The following CAPZB variants were observed in gnomAD, a reference collection of about 807,000 sequenced individuals.
CAPZB encodes capping actin protein of muscle Z-line subunit beta.
A neutral mutation model predicts 38.1 loss-of-function variants in CAPZB; 2 were observed. The ratio of observed to expected loss-of-function variants is 0.05; its 90% CI spans 0.02 to 0.17. CAPZB has a LOEUF of 0.17. Among genes scored for constraint, CAPZB ranks in the 10% least tolerant of loss-of-function variants. The probability of loss-of-function intolerance (pLI) is 1.00; values close to 1 mark genes in which losing one functional copy is unlikely to be tolerated. For synonymous variants in CAPZB, 107 were observed against 127.4 expected (o/e 0.84, Z 1.08); for missense variants, 161 against 334.2 (o/e 0.48, Z 4.04).
rs1041157984 is a variant in CAPZB, at chr1:19,357,100, G to A, written c.471+322C>T. 1.3e-5 allele frequency among the ~76,000 whole-genome samples: 2 copies of A among 152,004 alleles called. No homozygotes were observed. Among genetic ancestry groups the A allele is most frequent in the Non-Finnish European group, 2.9e-5 (2 of 67,998 alleles). On this transcript the variant is annotated intron_variant, in intron 5 of 8. Transcript: ENST00000264202. The surrounding 1 kb of genome is among the most constrained non-coding windows in gnomAD (Gnocchi z 4.3). ...GGCTGGTCTTGAACTCCTGACCTCC[G>A]GTGATCTGCCCACCTCAGCCTCCCA...
chr1:19,466,088 G>GA (rs1368885585), intron 1 of CAPZB, among the ~76,000 whole-genome samples: 1 of 152,154 alleles, frequency 6.6e-6, no homozygotes, highest in Non-Finnish European at 1.5e-5. Flanking sequence ...CATGACCAAG[G>GA]ACAACCCTTT....
intron 4 of CAPZB, among the ~76,000 whole-genome samples, chr1:19,362,390 A>G (rs1209557380): frequency 1.3e-5 from 2 of 152,088 alleles, no homozygotes; most frequent in Admixed American, 6.6e-5. Flanking sequence ...GGGTCTGCCA[A>G]CATGCCTGGA....
In CAPZB at chr1:19,470,572, T is replaced by C. The variant is rs1434296864; in HGVS notation, c.3+14864A>G. Reference sequence around the variant, plus strand: ...GGCAGAAAAGACTCACACAAGAGTGTAGAATCTAGATTCTAGAGTGTTAGA... The same window carrying C: ...GGCAGAAAAGACTCACACAAGAGTGCAGAATCTAGATTCTAGAGTGTTAGA... On this transcript the variant is annotated intron_variant, in intron 1 of 8. Coordinates refer to ENST00000264202, the MANE Select transcript of CAPZB (RefSeq NM_004930.5). Among the ~76,000 whole-genome samples the C allele has an allele frequency of 5.9e-5, 9 of 152,336 alleles. No individual in the cohort carries two copies. In the East Asian group the frequency reaches 1.5e-3, roughly 26 times the overall value.
intron 1 of CAPZB, among the ~76,000 whole-genome samples, chr1:19,422,759 CAAA>C (rs1451463266): frequency 1.4e-5 from 2 of 145,574 alleles, no homozygotes; most frequent in African/African-American, 2.5e-5. Context: ...ACAACAACAA[CAAA>C]CCCACACATA....
intron 1 of CAPZB, among the ~76,000 whole-genome samples, chr1:19,482,841 C>T (rs1474726498): frequency 2.6e-5 from 4 of 152,188 alleles, no homozygotes; most frequent in African/African-American, 7.2e-5. Flanking sequence ...TTCTGTCCTA[C>T]GCCAACCATC....
At position 19,356,174 on chromosome 1, in the gene CAPZB, T is replaced by C. The variant is rs1243653486; in HGVS notation, c.588+461A>G. Among the ~76,000 whole-genome samples the C allele has an allele frequency of 1.3e-5, 2 of 152,188 alleles. No individual in the cohort carries two copies. The stretch of plus-strand genomic sequence containing the variant: ...TGGGTGGGACCTGATATTTCTGCCT[T>C]TCTGACAAGCTCTTTGGTGATGCTG... On this transcript the variant is annotated intron_variant, in intron 6 of 8. Coordinates refer to ENST00000264202, the MANE Select transcript of CAPZB (RefSeq NM_004930.5). The surrounding 1 kb of genome is among the most constrained non-coding windows in gnomAD (Gnocchi z 4.3).
chr1:19,381,475 G>A (rs2094174348), intron 3 of CAPZB, among the ~76,000 whole-genome samples: 1 of 152,124 alleles, frequency 6.6e-6, no homozygotes, highest in Admixed American at 6.5e-5. Flanking sequence ...CACAGCCCGG[G>A]AGAGGAAGAA....
chr1:19,478,472 C>T (rs532282302), intron 1 of CAPZB, among the ~76,000 whole-genome samples: 23 of 152,270 alleles, frequency 1.5e-4, no homozygotes, highest in African/African-American at 4.6e-4. Flanking sequence ...AGACACGTGA[C>T]GACACAACTG....
At chr1:19,379,931 C>T (rs563441888) in intron 3 of CAPZB, among the ~76,000 whole-genome samples, 3 of 152,286 alleles carry the variant, frequency 2.0e-5, no homozygotes, top group Admixed American at 2.0e-4. Context: ...CTCGCTGTTT[C>T]CACTGTCAGA....
At chr1:19,448,248 G>A (rs2094503033) in intron 1 of CAPZB, among the ~76,000 whole-genome samples, 2 of 152,260 alleles carry the variant, frequency 1.3e-5, no homozygotes, top group Admixed American at 1.3e-4. Context: ...GCCCACCCAT[G>A]AGGGACTTTC....
chr1:19,399,197 G>A (rs900884732), intron 2 of CAPZB, among the ~76,000 whole-genome samples: 3 of 152,118 alleles, frequency 2.0e-5, no homozygotes, highest in Non-Finnish European at 4.4e-5. Context: ...CCATTGGACC[G>A]TACACTTTAA....
intron 1 of CAPZB, among the ~76,000 whole-genome samples, chr1:19,442,115 C>T (rs1382881154): frequency 6.8e-6 from 1 of 146,502 alleles, no homozygotes; most frequent in African/African-American, 2.5e-5. Flanking sequence ...TCTTTAAACC[C>T]TGTTTGTGAT....
intron 2 of CAPZB, among the ~76,000 whole-genome samples, chr1:19,419,323 G>A (rs918396193): frequency 5.3e-5 from 8 of 152,196 alleles, no homozygotes; most frequent in South Asian, 4.1e-4. Context: ...TGGCCTGCGT[G>A]CACTGCTGAA....
At position 19,476,958 on chromosome 1, in the gene CAPZB, G is replaced by A. The variant is rs975986625; in HGVS notation, c.3+8478C>T. Among the ~76,000 whole-genome samples, 9 of 152,202 alleles carry A rather than the reference G, an allele frequency of 5.9e-5. No individual in the cohort carries two copies. In the East Asian group the frequency reaches 7.7e-4, roughly 13 times the overall value. On this transcript the variant is annotated intron_variant, in intron 1 of 8. Coordinates refer to ENST00000264202, the MANE Select transcript of CAPZB (RefSeq NM_004930.5). ...AGCATGCGCTGAGTGCGGTGGACCT[G>A]GACCTCCATGGCAACTGCCATTAAC... is the stretch of plus-strand genomic sequence containing the variant.
intron 4 of CAPZB, among the ~76,000 whole-genome samples, chr1:19,375,109 C>T (rs1313374234): frequency 1.3e-5 from 2 of 152,156 alleles, no homozygotes; most frequent in African/African-American, 2.4e-5. Context: ...CACCAACAGC[C>T]TCGCGGGGCA....
Position 19,349,140 on chromosome 1 carries a change from C to T in CAPZB, c.589-3888G>A, listed in dbSNP as rs140045431. 4.0e-4 allele frequency among the ~76,000 whole-genome samples: 61 copies of T among 152,274 alleles called. 1 individual carries two copies. Among genetic ancestry groups the T allele is most frequent in the African/African-American group, 1.4e-3 (58 of 41,554 alleles). On this transcript the variant is annotated intron_variant, in intron 6 of 8. Transcript: ENST00000264202. ...CACTAGCAAAACCCTGGTGCCAAGA[C>T]GACGGGGTGGGCTGTCTGCTCAACA...
intron 1 of CAPZB, among the ~76,000 whole-genome samples, chr1:19,456,563 T>C (rs1407186840): frequency 6.6e-6 from 1 of 152,132 alleles, no homozygotes; most frequent in African/African-American, 2.4e-5. Flanking sequence ...AATGCAGAAC[T>C]ATCCCCCTAC....
intron 4 of CAPZB, among the ~76,000 whole-genome samples, chr1:19,361,603 A>C (rs1253711412): frequency 6.6e-6 from 1 of 152,262 alleles, no homozygotes; most frequent in African/African-American, 2.4e-5. Flanking sequence ...TGAAGCATTA[A>C]TTAAAGGGGG....
At chr1:19,451,939 ACT>A (rs2094517581) in intron 1 of CAPZB, among the ~76,000 whole-genome samples, 1 of 151,900 alleles carries the variant, frequency 6.6e-6, no homozygotes, top group Admixed American at 6.6e-5. Context: ...ATTGTAATTT[ACT>A]GTTTATTATT....
Sources: gnomAD v4.1 joint callset for allele counts (sites outside exome capture counted in the v4.1 genomes callset) on GRCh38, gnomAD v4.1.1 for gene constraint, Gnocchi (gnomAD v3.1) non-coding constraint, MANE v1.5 for transcripts, NCBI Gene and HGNC (gene_info 2026-07-23, HGNC 2026-07-21) for gene names.